SPECC1L: variants seen among roughly 807,000 people sequenced by gnomAD.
SPECC1L encodes the protein cytospin-A.
Under a neutral mutation model 116.8 loss-of-function variants are expected in SPECC1L, and 40 were observed. The ratio of observed to expected loss-of-function variants is 0.34; its 90% confidence interval spans 0.27 to 0.45. The LOEUF (loss-of-function observed/expected upper bound fraction) is 0.45. SPECC1L is among the 20% of genes least tolerant of loss of function. The probability of loss-of-function intolerance (pLI) is 1.00; values close to 1 mark genes in which losing one functional copy is unlikely to be tolerated. For synonymous variants in SPECC1L, 504 were observed against 500.6 expected, an observed-to-expected ratio of 1.01 and a Z score of -0.09; for missense variants, 1,110 against 1,373.6, an observed-to-expected ratio of 0.81 and a Z score of 3.03.
At chr22:24,390,867 C>CTTTTTTTTT (rs1556306072) in intron 14 of SPECC1L, among the ~76,000 whole-genome samples, 84 of 47,574 alleles carry the variant, frequency 1.8e-3, no homozygotes, top group East Asian at 2.5e-3. Flanking sequence ...TTTTTTTTTT[C>CTTTTTTTTT]TTTTCTTTTT....
intron 4 of SPECC1L, among the ~76,000 whole-genome samples, chr22:24,316,358 G>A (rs2040564440): frequency 6.6e-6 from 1 of 150,608 alleles, no homozygotes; most frequent in Non-Finnish European, 1.5e-5. Flanking sequence ...GGACAATAGT[G>A]GAGGGAAGGT....
At chr22:24,273,349 T>TGG (rs1256781634) in intron 1 of SPECC1L, among the ~76,000 whole-genome samples, 3 of 152,180 alleles carry the variant, frequency 2.0e-5, no homozygotes, top group Non-Finnish European at 4.4e-5. Context: ...AGGACAATAT[T>TGG]GGGAGTCTTT....
chr22:24,386,951 G>T (rs1339922595), intron 14 of SPECC1L, among the ~76,000 whole-genome samples: 2 of 152,098 alleles, frequency 1.3e-5, no homozygotes, highest in African/African-American at 4.8e-5. Flanking sequence ...TTATAGCCAG[G>T]CTTTGCTATG....
intron 1 of SPECC1L, among the ~76,000 whole-genome samples, chr22:24,273,646 T>C (rs1421342490): frequency 6.6e-6 from 1 of 152,144 alleles, no homozygotes; most frequent in East Asian, 1.9e-4. Flanking sequence ...TAAATATGAG[T>C]TTATTTTGAG....
intron 14 of SPECC1L, among the ~76,000 whole-genome samples, chr22:24,375,694 C>T (rs1402579115): frequency 1.3e-5 from 2 of 152,108 alleles, no homozygotes; most frequent in African/African-American, 4.8e-5. Flanking sequence ...GTGGCTTATG[C>T]CTGTAATCCC....
chr22:24,275,011 C>T (rs558922997), intron 1 of SPECC1L, among the ~76,000 whole-genome samples: 1 of 152,266 alleles, frequency 6.6e-6, no homozygotes, highest in South Asian at 2.1e-4. Context: ...TTTTCATGTC[C>T]CTTGTTTTCC....
chr22:24,390,867 C>CTTTTTTTTTTT (rs1556306072), intron 14 of SPECC1L, among the ~76,000 whole-genome samples: 599 of 47,198 alleles, frequency 0.013, 4 homozygotes, highest in Admixed American at 0.018. Flanking sequence ...TTTTTTTTTT[C>CTTTTTTTTTTT]TTTTCTTTTT....
chr22:24,283,432 A>G (rs1044554537), intron 2 of SPECC1L, among the ~76,000 whole-genome samples: 1 of 152,178 alleles, frequency 6.6e-6, no homozygotes, highest in Non-Finnish European at 1.5e-5. Flanking sequence ...GATAAACCCT[A>G]CTTGGTTATG....
chr22:24,300,080 T>C (rs1262986781), intron 2 of SPECC1L, among the ~76,000 whole-genome samples: 2 of 152,242 alleles, frequency 1.3e-5, no homozygotes, highest in African/African-American at 4.8e-5. Context: ...TAGGTATACA[T>C]GTGCCATGGT....
At chr22:24,302,524 A>G (rs1213979919) in intron 3 of SPECC1L, 140 bp downstream of exon 3, 7 of 1,084,934 alleles carry the variant, frequency 6.5e-6, no homozygotes, top group African/African-American at 4.7e-5. Flanking sequence ...GAGAGCTTAC[A>G]GTGGGGTGGA....
At chr22:24,378,585 G>C in intron 14 of SPECC1L, among the ~76,000 whole-genome samples, 1 of 152,214 alleles carries the variant, frequency 6.6e-6, no homozygotes, top group East Asian at 1.9e-4. Context: ...TGAAAGATGT[G>C]CGAGTCTTCC....
At chr22:24,296,314 G>C (rs1176485506) in intron 2 of SPECC1L, among the ~76,000 whole-genome samples, 2 of 152,238 alleles carry the variant, frequency 1.3e-5, no homozygotes, top group Non-Finnish European at 2.9e-5. Context: ...CTGTCGGGGA[G>C]AGGCTCAAGG....
In SPECC1L at chr22:24,277,096, A is replaced by G. The variant is rs575335005; in HGVS notation, c.-38+293A>G. Among the ~76,000 whole-genome samples the G allele has an allele frequency of 4.0e-3, 614 of 152,320 alleles. 5 individuals carry two copies. Among genetic ancestry groups the G allele is most frequent in the African/African-American group, 0.014 (573 of 41,566 alleles). ...GGTTTGCTTCGTCTCCCCCATTACA[A>G]ACTACTTACTGGGTTTTTCAACCCT... is the stretch of plus-strand genomic sequence containing the variant. On this transcript the variant is annotated intron_variant, in intron 2 of 16. Coordinates refer to ENST00000314328, the MANE Select transcript of SPECC1L (RefSeq NM_015330.6).
chr22:24,356,890 T>C (rs2041543757), intron 11 of SPECC1L, among the ~76,000 whole-genome samples: 1 of 152,034 alleles, frequency 6.6e-6, no homozygotes, highest in African/African-American at 2.4e-5. Flanking sequence ...ACATAACTGT[T>C]GTGGGGGATT....
intron 2 of SPECC1L, among the ~76,000 whole-genome samples, chr22:24,283,599 A>C (rs2048987742): frequency 6.6e-6 from 1 of 152,142 alleles, no homozygotes; most frequent in Admixed American, 6.5e-5. Flanking sequence ...GGCTTCATAG[A>C]ATGAGTTGAG....
intron 1 of SPECC1L, among the ~76,000 whole-genome samples, chr22:24,275,665 A>G (rs1006038783): frequency 1.6e-4 from 24 of 152,152 alleles, no homozygotes; most frequent in Non-Finnish European, 3.1e-4. Context: ...AAAAAGTTAA[A>G]GAGGAAAAAT....
intron 14 of SPECC1L, among the ~76,000 whole-genome samples, chr22:24,373,289 T>C (rs1035051487): frequency 9.2e-5 from 14 of 152,268 alleles, no homozygotes; most frequent in African/African-American, 3.4e-4. Flanking sequence ...AAAGTTCATA[T>C]GGAACCAAAA....
chr22:24,383,910 C>T (rs2042113011), intron 14 of SPECC1L, among the ~76,000 whole-genome samples: 1 of 147,574 alleles, frequency 6.8e-6, no homozygotes, highest in Admixed American at 6.9e-5. Context: ...ACCTGGGCCC[C>T]CCAAAGTGCT....
At chr22:24,278,750 T>G (rs1314092711) in intron 2 of SPECC1L, among the ~76,000 whole-genome samples, 1 of 152,332 alleles carries the variant, frequency 6.6e-6, no homozygotes, top group Non-Finnish European at 1.5e-5. Context: ...GTACTAAAGA[T>G]GAAATTACTC....
Sources: gnomAD v4.1 joint callset for allele counts (sites outside exome capture counted in the v4.1 genomes callset) on GRCh38, gnomAD v4.1.1 for gene constraint, MANE v1.5 for transcripts, NCBI Gene and HGNC (gene_info 2026-07-23, HGNC 2026-07-21) for gene names.